The following HDAC1 variants were observed in gnomAD, a reference collection of about 807,000 sequenced individuals.
HDAC1 encodes protein deacetylase HDAC1.
In HDAC1, 18 loss-of-function variants were observed where a neutral mutation model predicts 65.5. That is an observed-to-expected ratio of 0.27 (90% CI 0.19 to 0.41). The LOEUF (loss-of-function observed/expected upper bound fraction) is 0.41, where lower values mean the gene tolerates loss of function less well. Among genes scored for constraint, HDAC1 ranks in the 10% least tolerant of loss-of-function variants. The probability of loss-of-function intolerance (pLI) is 1.00; values close to 1 mark genes in which losing one functional copy is unlikely to be tolerated. For synonymous variants in HDAC1, 211 were observed against 227.9 expected (o/e 0.93, Z 0.67); for missense variants, 373 against 625.2 (o/e 0.60, Z 4.30).
intron 1 of HDAC1, among the ~76,000 whole-genome samples, chr1:32,297,769 C>G (rs1455318056): frequency 6.9e-6 from 1 of 145,492 alleles, no homozygotes; most frequent in Non-Finnish European, 1.5e-5. Context: ...TGACACTACG[C>G]CTGGCTAATT....
chr1:32,325,366 C>T (rs1641203443), intron 4 of HDAC1, among the ~76,000 whole-genome samples: 1 of 152,186 alleles, frequency 6.6e-6, no homozygotes. Flanking sequence ...TCCATCCCCG[C>T]TGCCCCACCA....
chr1:32,323,549 C>T (rs1286718345), intron 3 of HDAC1, among the ~76,000 whole-genome samples: 1 of 152,006 alleles, frequency 6.6e-6, no homozygotes, highest in Non-Finnish European at 1.5e-5. Flanking sequence ...AGGCAGCTGC[C>T]ACCACACCTG....
At chr1:32,316,909 G>T in intron 3 of HDAC1, 127 bp downstream of exon 3, 1 of 685,688 alleles carries the variant, frequency 1.5e-6, no homozygotes, top group Non-Finnish European at 2.6e-6. Context: ...ACCTCCTAAA[G>T]GTGCCAGAGT....
intron 3 of HDAC1, among the ~76,000 whole-genome samples, chr1:32,317,324 C>T (rs984836968): frequency 3.3e-5 from 5 of 152,014 alleles, no homozygotes; most frequent in Admixed American, 6.6e-5. Flanking sequence ...TTGGAAGCCA[C>T]GCTTAGTTTG....
intron 2 of HDAC1, among the ~76,000 whole-genome samples, chr1:32,307,443 G>A (rs1479623523): frequency 6.6e-6 from 1 of 152,040 alleles, no homozygotes; most frequent in Admixed American, 6.6e-5. Flanking sequence ...AGTAAAACAA[G>A]GGCTTCTTGA....
intron 2 of HDAC1, among the ~76,000 whole-genome samples, chr1:32,308,314 C>T (rs373447317): frequency 8.1e-4 from 123 of 151,902 alleles, no homozygotes; most frequent in Middle Eastern, 3.4e-3. Flanking sequence ...AGTGAAACTC[C>T]GTCTCAAAAA....
At position 32,316,827 on chromosome 1, in the gene HDAC1, T is replaced by C. The variant is rs201470442; in HGVS notation, c.280+45T>C. 5.3e-4 allele frequency: 643 copies of C among 1,213,234 alleles called. 1 individual carries two copies. Among genetic ancestry groups the C allele is most frequent in the Middle Eastern group, 3.8e-3 (20 of 5,280 alleles). The allele number at this position is 1,213,234 out of a possible 1,614,324, so 75.2% of individuals were successfully genotyped here. On this transcript the variant is annotated intron_variant, in intron 3 of 13. Transcript: ENST00000373548. ...TCACACTCTGAAGCCGCCAGTTGCA[T>C]CTCCCTTTCCACTGTAGAGGCCCAT...
chr1:32,323,473 C>T lies in HDAC1; in HGVS notation c.281-1006C>T, dbSNP rs897291856. ...AGTGCAGTTGCGCGATCTCAGCTCA[C>T]TGCAACCTCTGCCTCCCGGGTTCAA... is the stretch of plus-strand genomic sequence containing the variant. On this transcript the variant is annotated intron_variant, in intron 3 of 13. Transcript: ENST00000373548. Among the ~76,000 whole-genome samples the T allele has an allele frequency of 6.0e-4, 92 of 152,142 alleles. 1 individual carries two copies. The highest frequency in any genetic ancestry group is 1.3e-3 in the Non-Finnish European group (86 of 68,038).
intron 2 of HDAC1, among the ~76,000 whole-genome samples, chr1:32,316,375 C>A (rs1400340575): frequency 6.6e-6 from 1 of 152,140 alleles, no homozygotes; most frequent in Non-Finnish European, 1.5e-5. Flanking sequence ...CCTGTGTGGT[C>A]TATGTTGTCC....
At chr1:32,300,384 C>T (rs1007504669) in intron 1 of HDAC1, among the ~76,000 whole-genome samples, 2 of 151,814 alleles carry the variant, frequency 1.3e-5, no homozygotes, top group Non-Finnish European at 2.9e-5. Flanking sequence ...TAGTGAAACC[C>T]CACCTCTACT....
rs1382675762 is a variant in HDAC1, at chr1:32,318,893, C to T, written c.280+2111C>T. On this transcript the variant is annotated intron_variant, in intron 3 of 13. Coordinates refer to ENST00000373548, the MANE Select transcript of HDAC1 (RefSeq NM_004964.3). ...CAGCAGTTTGGGAGGCTGAGGCAAG[C>T]AGATCACCTGGGGTCGGGAGTTTGA... 7.2e-5 allele frequency among the ~76,000 whole-genome samples: 11 copies of T among 152,080 alleles called. No individual in the cohort carries two copies. In the East Asian group the frequency reaches 1.2e-3, roughly 16 times the overall value.
At position 32,327,293 on chromosome 1, in the gene HDAC1, C is replaced by T. The variant is rs995442691; in HGVS notation, c.494+216C>T. 13 of 618,412 alleles carry T rather than the reference C, an allele frequency of 2.1e-5. No homozygotes were observed. The highest frequency in any genetic ancestry group is 1.7e-4 in the African/African-American group (9 of 54,198). 38.3% of individuals were successfully genotyped at this position (618,412 alleles called of 1,614,324 possible). A position where few individuals can be genotyped will look rare whatever the true frequency, so the allele number is the denominator to read the frequency against. ...GCAGATGCTGCTCAGATCCTGCCTCCAGAGTGTCCCTGTGTGGCTGGAGTT... is the reference window on the plus strand; with the variant it reads ...GCAGATGCTGCTCAGATCCTGCCTCTAGAGTGTCCCTGTGTGGCTGGAGTT... On this transcript the variant is annotated intron_variant, in intron 5 of 13. Coordinates refer to ENST00000373548, the MANE Select transcript of HDAC1 (RefSeq NM_004964.3). The surrounding 1 kb of genome is among the most constrained non-coding windows in gnomAD (Gnocchi z 6.0).
Position 32,329,962 on chromosome 1 carries a change from G to GTTACACCATTC in HDAC1, c.730-616_730-615insTTACACCATTC. The GTTACACCATTC allele has an allele frequency of 4.4e-5, 7 of 158,456 alleles. No individual in the cohort carries two copies. The South Asian group carries it at 5.5e-4, about 12-fold the overall frequency. The allele number at this position is 158,456 out of a possible 1,614,324, so 9.8% of individuals were successfully genotyped here. The stretch of plus-strand genomic sequence containing the variant: ...GGGAGGAGTGCTGAAGGAGGCGGTG[G>GTTACACCATTC]GAAGTGTATGCTGGGCTCAGTATTT... On this transcript the variant is annotated intron_variant, in intron 7 of 13. Transcript: ENST00000373548. This position sits in a 1 kb window ranked among gnomAD's most constrained non-coding sequence, Gnocchi z 4.1.
rs1207299870 is a variant in HDAC1, at chr1:32,327,544, A to T, written c.503A>T (p.Gln168Leu). The part of the protein sequence containing the change: ...LAILELLKYH[Q>L]RVLYIDIDIH... ...CCCCCTTCTGATCCTAGGTATCACC[A>T]GAGGGTGCTGTACATTGACATTGAT... Residue 168 changes from glutamine to leucine, a missense_variant, in exon 6 of 14, where the codon CAG becomes CTG. Gln to Leu is a moderately radical substitution (Grantham distance 113). Transcript: ENST00000373548. This position sits in a 1 kb window ranked among gnomAD's most constrained non-coding sequence, Gnocchi z 6.0. 5 of 1,606,776 alleles carry T rather than the reference A, an allele frequency of 3.1e-6. No homozygotes were observed. The highest frequency in any genetic ancestry group is 4.3e-6 in the Non-Finnish European group (5 of 1,175,958).
chr1:32,298,542 T>C (rs1180720178), intron 1 of HDAC1, among the ~76,000 whole-genome samples: 6 of 151,344 alleles, frequency 4.0e-5, no homozygotes. Context: ...CTTGAGAAAC[T>C]GAGTTTTGCA....
chr1:32,318,100 C>T (rs1392243037), intron 3 of HDAC1, among the ~76,000 whole-genome samples: 1 of 152,228 alleles, frequency 6.6e-6, no homozygotes, highest in Non-Finnish European at 1.5e-5. Context: ...GCTGGGATTA[C>T]AGGGATGTGC....
chr1:32,302,358 G>A (rs1198406116), intron 1 of HDAC1, among the ~76,000 whole-genome samples: 2 of 152,064 alleles, frequency 1.3e-5, no homozygotes, highest in African/African-American at 4.8e-5. Context: ...AGTAGCTTTG[G>A]AATGAACCCC....
chr1:32,302,478 C>G (rs1640861392), intron 1 of HDAC1, 143 bp from the exon 2 acceptor site: 3 of 408,414 alleles, frequency 7.3e-6, no homozygotes, highest in Admixed American at 7.1e-5. Flanking sequence ...TTTGGAGTTA[C>G]CCTTCAAAAG....
intron 4 of HDAC1, among the ~76,000 whole-genome samples, chr1:32,326,662 T>C (rs1641222443): frequency 6.6e-6 from 1 of 151,996 alleles, no homozygotes. Context: ...AAAAAATATA[T>C]ATATATATAC....
Sources: gnomAD v4.1 joint callset for allele counts (sites outside exome capture counted in the v4.1 genomes callset) on GRCh38, gnomAD v4.1.1 for gene constraint, Gnocchi (gnomAD v3.1) non-coding constraint, MANE v1.5 for transcripts, NCBI Gene and HGNC (gene_info 2026-07-23, HGNC 2026-07-21) for gene names.